The following STIM1 variants were observed in gnomAD, a reference collection of about 807,000 sequenced individuals.
STIM1 encodes the protein stromal interaction molecule 1.
STIM1 carries 25 observed loss-of-function variants against 74.7 expected under a neutral mutation model. The ratio of observed to expected loss-of-function variants is 0.33; its 90% CI spans 0.24 to 0.47. STIM1 has a LOEUF of 0.47. STIM1 is among the 20% of genes least tolerant of loss of function. The pLI is 1.00. For synonymous variants in STIM1, 328 were observed against 348.8 expected (o/e 0.94, Z 0.66); for missense variants, 728 against 920.8 (o/e 0.79, Z 2.71).
In STIM1 at chr11:3,915,647, T is replaced by C. The variant is rs530892544; in HGVS notation, c.140-51905T>C. Among the ~76,000 whole-genome samples, 86 of 152,260 alleles carry C rather than the reference T, an allele frequency of 5.6e-4. 1 individual carries two copies. Among genetic ancestry groups the C allele is most frequent in the Admixed American group, 1.2e-3 (18 of 15,294 alleles). On this transcript the variant is annotated intron_variant, in intron 1 of 12. Coordinates refer to ENST00000526596, the MANE Select transcript of STIM1 (RefSeq NM_001382567.1). ...CTCCTGACCTTGTGATCCACATGCC[T>C]CAGCCTCCCAAAGTGCTGGGATTAT...
chr11:4,079,151 C>T (rs529978452), intron 7 of STIM1, among the ~76,000 whole-genome samples: 55 of 151,918 alleles, frequency 3.6e-4, no homozygotes, highest in African/African-American at 1.3e-3. Context: ...ATTAGCCGGG[C>T]GTGGTGGCGG....
At chr11:4,005,335 A>G (rs542382022) in intron 2 of STIM1, among the ~76,000 whole-genome samples, 3 of 152,180 alleles carry the variant, frequency 2.0e-5, no homozygotes, top group Non-Finnish European at 4.4e-5. Context: ...AACCAACCCA[A>G]ATGTCCAACA....
intron 5 of STIM1, among the ~76,000 whole-genome samples, chr11:4,061,050 C>T (rs915460643): frequency 6.6e-6 from 1 of 152,224 alleles, no homozygotes; most frequent in Non-Finnish European, 1.5e-5. Context: ...CTGTCACCAC[C>T]ATGCAAGGGG....
intron 1 of STIM1, among the ~76,000 whole-genome samples, chr11:3,920,867 C>T (rs1412125381): frequency 1.3e-5 from 2 of 150,744 alleles, no homozygotes; most frequent in Non-Finnish European, 2.9e-5. Context: ...GCAGTCTTGG[C>T]TCACTACAGC....
At chr11:3,900,601 T>C (rs996687895) in intron 1 of STIM1, among the ~76,000 whole-genome samples, 4 of 152,222 alleles carry the variant, frequency 2.6e-5, no homozygotes, top group Admixed American at 6.5e-5. Context: ...GTTTGTTTTT[T>C]GAGACAGAGT....
intron 3 of STIM1, among the ~76,000 whole-genome samples, chr11:4,032,651 A>G (rs11602757): frequency 0.18 from 27,483 of 152,084 alleles, 4,136 homozygotes; most frequent in African/African-American, 0.42. Flanking sequence ...CCCATAAACA[A>G]AGTACATCTC....
intron 3 of STIM1, among the ~76,000 whole-genome samples, chr11:4,027,886 A>C (rs989265924): frequency 1.3e-5 from 2 of 152,136 alleles, no homozygotes; most frequent in Non-Finnish European, 2.9e-5. Context: ...ATCCTTGAGA[A>C]ATAGAATTAC....
In STIM1 at chr11:4,070,014, CCT is replaced by C. The variant is rs2094393949; in HGVS notation, c.614-7_614-6del. 3.1e-6 allele frequency: 5 copies of C among 1,613,664 alleles called. No individual in the cohort carries two copies. In the Admixed American group the frequency reaches 8.3e-5, roughly 27 times the overall value. On this transcript the variant is annotated splice_polypyrimidine_tract_variant and intron_variant, in intron 5 of 12. Transcript: ENST00000526596. ...GGCACCCTAACTCATCATGCCCTCC[CCT>C]CTCTGGCAGTGACTCGCCATAATCA...
intron 1 of STIM1, among the ~76,000 whole-genome samples, chr11:3,918,542 AAAGAAAGAAAG>A (rs993430651): frequency 8.6e-5 from 6 of 69,888 alleles, no homozygotes; most frequent in Admixed American, 1.8e-4. Flanking sequence ...TCAAAAAAAA[AAAGAAAGAAAG>A]AAAGAAAGAA....
At chr11:3,919,817 C>T (rs909253162) in intron 1 of STIM1, among the ~76,000 whole-genome samples, 1 of 152,112 alleles carries the variant, frequency 6.6e-6, no homozygotes, top group African/African-American at 2.4e-5. Flanking sequence ...GTGGTACAGG[C>T]CTGTAATCCC....
intron 1 of STIM1, among the ~76,000 whole-genome samples, chr11:3,957,001 G>A (rs1467438238): frequency 6.6e-6 from 1 of 152,030 alleles, no homozygotes; most frequent in Non-Finnish European, 1.5e-5. Context: ...CTGCTCTCGT[G>A]GACCTTACTT....
chr11:4,084,669 C>T lies in STIM1; in HGVS notation c.1475-4C>T, dbSNP rs1223981671. 7.8e-7 allele frequency: 1 copy of T among 1,289,406 alleles called. No homozygotes were observed. 79.9% of individuals were successfully genotyped at this position (1,289,406 alleles called of 1,614,324 possible). On this transcript the variant is annotated splice_polypyrimidine_tract_variant and splice_region_variant and intron_variant, in intron 10 of 12. Transcript: ENST00000526596. ...TCTCCTTTTGGCCTGGCTGTTGACC[C>T]TAGATGCTGCCTGGCTGATGGGGCG...
chr11:3,992,823 C>T (rs998983460), intron 2 of STIM1, among the ~76,000 whole-genome samples: 3 of 152,170 alleles, frequency 2.0e-5, no homozygotes, highest in Non-Finnish European at 4.4e-5. Context: ...TACTACCTTC[C>T]TCATCTCAGT....
At chr11:4,028,442 T>C (rs1034627437) in intron 3 of STIM1, among the ~76,000 whole-genome samples, 19 of 150,984 alleles carry the variant, frequency 1.3e-4, no homozygotes, top group Non-Finnish European at 2.5e-4. Context: ...GGAGTCTTGC[T>C]CTGCTGCCCA....
chr11:3,953,043 C>A (rs1239592810), intron 1 of STIM1, among the ~76,000 whole-genome samples: 1 of 152,042 alleles, frequency 6.6e-6, no homozygotes, highest in Non-Finnish European at 1.5e-5. Flanking sequence ...GAAAAGAATG[C>A]TTAGAGGAGG....
intron 2 of STIM1, chr11:3,989,400 C>G: frequency 1.3e-6 from 1 of 755,608 alleles, no homozygotes; most frequent in South Asian, 1.3e-5. Context: ...ACAACCGCGC[C>G]GATCTCCTCT....
chr11:4,055,566 C>T lies in STIM1; in HGVS notation c.426C>T (p.Ile142=). The change falls in exon 4 of 13, where the codon ATC becomes ATT. Residue 142 remains isoleucine, a synonymous_variant. Coordinates refer to ENST00000526596, the MANE Select transcript of STIM1 (RefSeq NM_001382567.1). ...WTVDEVVQWL[I]TYVELPQYEE... ...TGGATGAGGTGGTACAGTGGCTGAT[C>T]ACATATGTGGAGCTGCCTCAGTATG... The T allele has an allele frequency of 1.2e-6, 2 of 1,601,346 alleles. No individual in the cohort carries two copies. The highest frequency in any genetic ancestry group is 2.2e-4 in the Middle Eastern group (1 of 4,504).
intron 9 of STIM1, 111 bp downstream of exon 9, chr11:4,083,093 C>G (rs2094473759): frequency 2.6e-6 from 3 of 1,174,994 alleles, no homozygotes; most frequent in East Asian, 4.9e-5. Context: ...AGGGACAGCT[C>G]TGGTCTCCTG....
At chr11:3,860,418 G>T (rs1284821531) in intron 1 of STIM1, among the ~76,000 whole-genome samples, 1 of 152,204 alleles carries the variant, frequency 6.6e-6, no homozygotes, top group African/African-American at 2.4e-5. Context: ...GCCAGAGTTT[G>T]AATCCAGGCA....
Sources: gnomAD v4.1 joint callset for allele counts (sites outside exome capture counted in the v4.1 genomes callset) on GRCh38, gnomAD v4.1.1 for gene constraint, MANE v1.5 for transcripts, NCBI Gene and HGNC (gene_info 2026-07-23, HGNC 2026-07-21) for gene names.